The following CSGALNACT1 variants were observed in gnomAD, a reference collection of about 807,000 sequenced individuals.
CSGALNACT1 encodes the protein beta4GalNAcT-1.
CSGALNACT1 carries 52 observed loss-of-function variants against 51.0 expected under a neutral mutation model. The observed-to-expected ratio is 1.02, with a 90% confidence interval of 0.82 to 1.29. The LOEUF is 1.29. Ranked by LOEUF, CSGALNACT1 falls within the 50% of genes most tolerant of loss-of-function variation. The pLI, the probability that CSGALNACT1 is intolerant of heterozygous loss-of-function variation, is 0.00. For synonymous variants in CSGALNACT1, 341 were observed against 254.4 expected (o/e 1.34, Z -3.24); for missense variants, 935 against 679.2 (o/e 1.38, Z -4.19).
At chr8:19,477,263 T>A (rs777489718) in intron 4 of CSGALNACT1, among the ~76,000 whole-genome samples, 3 of 152,186 alleles carry the variant, frequency 2.0e-5, no homozygotes, top group Non-Finnish European at 4.4e-5. Context: ...AGGCTCCCCA[T>A]AGAGCTGGGC....
intron 3 of CSGALNACT1, among the ~76,000 whole-genome samples, chr8:19,564,573 T>C (rs2041509887): frequency 6.6e-6 from 1 of 152,178 alleles, no homozygotes; most frequent in Non-Finnish European, 1.5e-5. Flanking sequence ...ACACTCATTC[T>C]TGCCTTGGGG....
At chr8:19,618,621 T>A (rs2053367730) in intron 1 of CSGALNACT1, among the ~76,000 whole-genome samples, 2 of 64,460 alleles carry the variant, frequency 3.1e-5, no homozygotes, top group Admixed American at 2.9e-4. Context: ...GACAGAGGAA[T>A]ACTCCATCAA....
rs1166129239 is a variant in CSGALNACT1 at position 19,406,200 on chromosome 8, G to T, written c.1310-131C>A. ...CGTGCTTCACCACCACCCCTCCAAG[G>T]TACGAGAGTGTCCACCTGGGTCAGA... On this transcript the variant is annotated intron_variant, in intron 9 of 9. Coordinates refer to ENST00000454498, the Ensembl canonical transcript of CSGALNACT1. The T allele has an allele frequency of 3.8e-6, 4 of 1,043,612 alleles. No individual in the cohort carries two copies. The African/African-American group carries it at 6.2e-5, about 16-fold the overall frequency. 64.6% of individuals were successfully genotyped at this position (1,043,612 alleles called of 1,614,324 possible).
At chr8:19,550,920 T>A (rs1235101606) in intron 3 of CSGALNACT1, among the ~76,000 whole-genome samples, 1 of 152,182 alleles carries the variant, frequency 6.6e-6, no homozygotes, top group Non-Finnish European at 1.5e-5. Context: ...AGTCCAAGGC[T>A]TCTGGAAAAC....
intron 3 of CSGALNACT1, among the ~76,000 whole-genome samples, chr8:19,536,460 CAA>C (rs2083773920): frequency 6.6e-6 from 1 of 151,914 alleles, no homozygotes; most frequent in South Asian, 2.1e-4. Flanking sequence ...ATAAATCTAA[CAA>C]GATATGTACA....
Position 19,408,621 on chromosome 8 carries a change from A to ATGAAGTC in CSGALNACT1, c.1294_1300dup (p.Ile434ArgfsTer9). The ATGAAGTC allele has an allele frequency of 6.2e-7, 1 of 1,613,700 alleles. No individual in the cohort carries two copies. Among genetic ancestry groups the ATGAAGTC allele is most frequent in the Non-Finnish European group, 8.5e-7 (1 of 1,179,938 alleles). ...ATGCAGATTTGTCCTACCTATATTGATGAAGTCTGACCGATACTGACACGT... is the reference window on the plus strand; with the variant it reads ...ATGCAGATTTGTCCTACCTATATTGATGAAGTCTGAAGTCTGACCGATACTGACACGT... On this transcript the variant is annotated frameshift_variant, in exon 9 of 10. Coordinates refer to ENST00000454498, the Ensembl canonical transcript of CSGALNACT1. LOFTEE classifies it high-confidence loss of function.
intron 3 of CSGALNACT1, among the ~76,000 whole-genome samples, chr8:19,555,532 A>G (rs959105995): frequency 6.6e-6 from 1 of 152,204 alleles, no homozygotes; most frequent in Non-Finnish European, 1.5e-5. Flanking sequence ...CAATACACTG[A>G]AGCATAATTC....
chr8:19,682,807 G>T (rs573451769), upstream of CSGALNACT1: 2 of 451,624 alleles, frequency 4.4e-6, no homozygotes, highest in Non-Finnish European at 8.9e-6. Context: ...TTTCCGGCCA[G>T]CACAGATAAC....
chr8:19,475,816 C>T (rs1294260102), intron 4 of CSGALNACT1, among the ~76,000 whole-genome samples: 1 of 152,146 alleles, frequency 6.6e-6, no homozygotes, highest in East Asian at 1.9e-4. Context: ...GATGACAAAG[C>T]CAAGCAATGG....
At chr8:19,480,790 C>A (rs1301940059) in intron 4 of CSGALNACT1, among the ~76,000 whole-genome samples, 1 of 152,120 alleles carries the variant, frequency 6.6e-6, no homozygotes, top group East Asian at 1.9e-4. Context: ...CAGGCTCACT[C>A]CAGCAGTGAG....
At chr8:19,464,985 A>T (rs1381548655) in intron 4 of CSGALNACT1, among the ~76,000 whole-genome samples, 1 of 152,154 alleles carries the variant, frequency 6.6e-6, no homozygotes, top group Non-Finnish European at 1.5e-5. Context: ...AATTCTATGT[A>T]TTTCTAGGTC....
intron 1 of CSGALNACT1, chr8:19,642,109 G>C (rs1278886504): frequency 6.6e-6 from 1 of 152,204 alleles, no homozygotes; most frequent in Non-Finnish European, 1.5e-5. Context: ...CACTAAAACA[G>C]AGTTCCATTC....
chr8:19,499,059 G>A (rs1484848633), intron 4 of CSGALNACT1, among the ~76,000 whole-genome samples: 1 of 152,174 alleles, frequency 6.6e-6, no homozygotes, highest in Non-Finnish European at 1.5e-5. Context: ...AGGCTACAAT[G>A]AGCCATGATC....
intron 2 of CSGALNACT1, among the ~76,000 whole-genome samples, chr8:19,598,782 A>G (rs1271979760): frequency 6.6e-6 from 1 of 152,198 alleles, no homozygotes; most frequent in Non-Finnish European, 1.5e-5. Context: ...AATAATGACA[A>G]TGCAATGACA....
intron 1 of CSGALNACT1, among the ~76,000 whole-genome samples, chr8:19,625,634 C>G (rs1361453296): frequency 6.6e-6 from 1 of 152,186 alleles, no homozygotes; most frequent in Non-Finnish European, 1.5e-5. Flanking sequence ...CAAGCTGACT[C>G]TATACTATAG....
At chr8:19,687,621 T>G (rs1476283999) in intron 1 of CSGALNACT1, among the ~76,000 whole-genome samples, 1 of 152,220 alleles carries the variant, frequency 6.6e-6, no homozygotes, top group Non-Finnish European at 1.5e-5. Context: ...TCCTGAAATA[T>G]CAACCATTTC....
intron 6 of CSGALNACT1, among the ~76,000 whole-genome samples, chr8:19,433,554 G>C (rs1412640121): frequency 2.0e-5 from 3 of 152,150 alleles, no homozygotes; most frequent in Admixed American, 1.3e-4. Flanking sequence ...AATTGTTTTA[G>C]ACAAATGCTC....
chr8:19,554,101 G>A (rs986250582), intron 3 of CSGALNACT1, among the ~76,000 whole-genome samples: 5 of 151,640 alleles, frequency 3.3e-5, no homozygotes, highest in Admixed American at 2.6e-4. Flanking sequence ...AATAGAGAAC[G>A]AATGAAAAAA....
chr8:19,548,495 T>C (rs1487849909), intron 3 of CSGALNACT1, among the ~76,000 whole-genome samples: 1 of 152,220 alleles, frequency 6.6e-6, no homozygotes. Context: ...ATTATTCACA[T>C]GAAACTAAAC....
Sources: gnomAD v4.1 joint callset for allele counts (sites outside exome capture counted in the v4.1 genomes callset) on GRCh38, gnomAD v4.1.1 for gene constraint, MANE v1.5 for transcripts, NCBI Gene and HGNC (gene_info 2026-07-23, HGNC 2026-07-21) for gene names.